Variants in FUT9 observed in about 807,000 individuals in gnomAD.
FUT9 encodes the protein 4-galactosyl-N-acetylglucosaminide 3-alpha-L-fucosyltransferase 9.
A neutral mutation model predicts 29.7 loss-of-function variants in FUT9; 15 were observed. The ratio of observed to expected loss-of-function variants is 0.51; its 90% confidence interval spans 0.34 to 0.78. FUT9 has a LOEUF of 0.78. Ranked by LOEUF, FUT9 falls within the 30% of genes least tolerant of loss-of-function variation. The pLI is 0.01. For synonymous variants in FUT9, 169 were observed against 153.7 expected, an observed-to-expected ratio of 1.10 and a Z score of -0.74; for missense variants, 319 against 425.4, an observed-to-expected ratio of 0.75 and a Z score of 2.20.
At chr6:96,189,850 C>A (rs1243334849) in intron 2 of FUT9, among the ~76,000 whole-genome samples, 1 of 152,112 alleles carries the variant, frequency 6.6e-6, no homozygotes, top group African/African-American at 2.4e-5. Flanking sequence ...TGGGTCTTGA[C>A]TCTTTATCCA....
chr6:96,208,718 C>A lies in FUT9; in HGVS notation c.*4483C>A, dbSNP rs1773879633. 1 of 166,732 alleles carries A rather than the reference C, an allele frequency of 6.0e-6. No homozygotes were observed. The highest frequency in any genetic ancestry group is 6.6e-5 in the Admixed American group (1 of 15,240). 10.3% of individuals were successfully genotyped at this position (166,732 alleles called of 1,614,324 possible). A position where few individuals can be genotyped will look rare whatever the true frequency, so the allele number is the denominator to read the frequency against. On this transcript the variant is annotated 3_prime_UTR_variant, in exon 3 of 3. Transcript: ENST00000302103. ...TTAGAAAGGATTTGGATCACGTTAA[C>A]ATTCTATGCAAATATTAGTAACATA...
At chr6:96,144,048 G>A (rs532016593) in intron 2 of FUT9, among the ~76,000 whole-genome samples, 13 of 152,120 alleles carry the variant, frequency 8.5e-5, no homozygotes, top group Non-Finnish European at 1.9e-4. Flanking sequence ...TCTCCAAACT[G>A]GCTCTCCTGT....
At chr6:96,043,214 G>C (rs1021609943) in intron 1 of FUT9, among the ~76,000 whole-genome samples, 4 of 152,084 alleles carry the variant, frequency 2.6e-5, no homozygotes, top group Admixed American at 1.3e-4. Context: ...ACCACGCCCG[G>C]CTAATTTTTT....
rs191280406 is a variant in FUT9, at chr6:96,032,667, G to A, written c.-98+16455G>A. On this transcript the variant is annotated intron_variant, in intron 1 of 2. Transcript: ENST00000302103. Reference sequence around the variant, plus strand: ...GGAAATTTAATACTATTGTCTTTACGTGAAAGTAGGCAGTAAAATTCACCC... The same window carrying A: ...GGAAATTTAATACTATTGTCTTTACATGAAAGTAGGCAGTAAAATTCACCC... 5.9e-4 allele frequency among the ~76,000 whole-genome samples: 90 copies of A among 151,512 alleles called. 1 individual carries two copies. The highest frequency in any genetic ancestry group is 2.1e-3 in the African/African-American group (85 of 41,434).
chr6:96,176,085 C>T (rs1213933658), intron 2 of FUT9, among the ~76,000 whole-genome samples: 1 of 152,218 alleles, frequency 6.6e-6, no homozygotes, highest in African/African-American at 2.4e-5. Flanking sequence ...CTCCAGCCTT[C>T]AGACTCCAGG....
intron 2 of FUT9, among the ~76,000 whole-genome samples, chr6:96,136,125 G>A (rs1285341337): frequency 1.3e-5 from 2 of 151,386 alleles, no homozygotes; most frequent in Non-Finnish European, 3.0e-5. Flanking sequence ...TCTCCTACTT[G>A]CCTGAGAAAT....
intron 1 of FUT9, among the ~76,000 whole-genome samples, chr6:96,104,093 A>C (rs902983128): frequency 6.6e-6 from 1 of 152,204 alleles, no homozygotes; most frequent in Non-Finnish European, 1.5e-5. Context: ...TTTCTAAAGA[A>C]GTTTATAACA....
chr6:96,035,314 A>G (rs567553290), intron 1 of FUT9, among the ~76,000 whole-genome samples: 54 of 151,614 alleles, frequency 3.6e-4, no homozygotes, highest in African/African-American at 1.2e-3. Flanking sequence ...TGGTATGACA[A>G]AAAAGTGCAT....
In FUT9 at chr6:96,177,408, C is replaced by G. The variant is rs192084466; in HGVS notation, c.-8-25740C>G. ...ATGTTATGTTAAATTTCCCCTACAA[C>G]AGTCCTCCTAGATAGGTATTGTTAT... On this transcript the variant is annotated intron_variant, in intron 2 of 2. Transcript: ENST00000302103. Among the ~76,000 whole-genome samples, 219 of 152,140 alleles carry G rather than the reference C, an allele frequency of 1.4e-3. 1 individual carries two copies. The highest frequency in any genetic ancestry group is 5.1e-3 in the African/African-American group (213 of 41,524).
At chr6:96,075,976 G>A (rs1395744339) in intron 1 of FUT9, among the ~76,000 whole-genome samples, 3 of 152,034 alleles carry the variant, frequency 2.0e-5, no homozygotes, top group Admixed American at 1.3e-4. Context: ...TACCAGAAAG[G>A]ATAGTTACAC....
At chr6:96,017,346 T>G (rs1769997864) in intron 1 of FUT9, among the ~76,000 whole-genome samples, 1 of 152,206 alleles carries the variant, frequency 6.6e-6, no homozygotes, top group African/African-American at 2.4e-5. Context: ...GGTATTGCTG[T>G]AGAAGTTTTC....
intron 1 of FUT9, among the ~76,000 whole-genome samples, chr6:96,110,670 A>G (rs763665809): frequency 2.0e-5 from 3 of 151,750 alleles, no homozygotes; most frequent in Non-Finnish European, 4.4e-5. Flanking sequence ...CTTTTTTCCT[A>G]TTGTGCATTT....
At chr6:96,107,984 CTTT>C (rs753293696) in intron 1 of FUT9, among the ~76,000 whole-genome samples, 1 of 140,776 alleles carries the variant, frequency 7.1e-6, no homozygotes, top group African/African-American at 2.6e-5. Flanking sequence ...CTCATGGCCA[CTTT>C]TTTTTTTTTT....
intron 2 of FUT9, among the ~76,000 whole-genome samples, chr6:96,133,166 G>A (rs1772279282): frequency 6.6e-6 from 1 of 151,700 alleles, no homozygotes; most frequent in Admixed American, 6.6e-5. Context: ...TTTTAGGGAA[G>A]GTATGGACCA....
intron 1 of FUT9, among the ~76,000 whole-genome samples, chr6:96,059,536 G>T (rs1582201359): frequency 1.3e-5 from 2 of 152,178 alleles, no homozygotes; most frequent in South Asian, 4.1e-4. Context: ...GATATGTATG[G>T]TGGAGTTTGA....
Position 96,215,390 on chromosome 6 carries a change from T to C in FUT9, c.*11155T>C, listed in dbSNP as rs1310327770. On this transcript the variant is annotated 3_prime_UTR_variant, in exon 3 of 3. Transcript: ENST00000302103. ...CAGCAATTAATAGTGATTTCAGCAA[T>C]ATGTACTAAGATTCCAAGGCAGAAA... is the stretch of plus-strand genomic sequence containing the variant. 1 of 166,890 alleles carries C rather than the reference T, an allele frequency of 6.0e-6. No individual in the cohort carries two copies. Among genetic ancestry groups the C allele is most frequent in the Admixed American group, 6.6e-5 (1 of 15,266 alleles). The allele number at this position is 166,890 out of a possible 1,614,324, so 10.3% of individuals were successfully genotyped here.
chr6:96,107,171 G>A (rs901817873), intron 1 of FUT9, among the ~76,000 whole-genome samples: 1 of 152,086 alleles, frequency 6.6e-6, no homozygotes, highest in African/African-American at 2.4e-5. Context: ...GGCAAAATAT[G>A]CATCCACCGT....
At chr6:96,029,173 G>A (rs1054164841) in intron 1 of FUT9, among the ~76,000 whole-genome samples, 4 of 151,480 alleles carry the variant, frequency 2.6e-5, no homozygotes, top group Admixed American at 2.0e-4. Flanking sequence ...TCATACAAGC[G>A]ATGATAGAAA....
chr6:96,080,701 C>G (rs1055295415), intron 1 of FUT9, among the ~76,000 whole-genome samples: 1 of 151,878 alleles, frequency 6.6e-6, no homozygotes, highest in African/African-American at 2.4e-5. Flanking sequence ...GTGGTCATAT[C>G]CAGTTCCATG....
Sources: allele counts gnomAD v4.1 joint callset (sites outside exome capture counted in the v4.1 genomes callset), GRCh38; gene constraint gnomAD v4.1.1; transcripts MANE v1.5; gene names NCBI Gene and HGNC (gene_info 2026-07-23, HGNC 2026-07-21).